POLE: variants seen among roughly 807,000 people sequenced by gnomAD.
The protein encoded by POLE is DNA polymerase epsilon, catalytic subunit, also known as DNA polymerase epsilon catalytic subunit A.
In POLE, 188 loss-of-function variants were observed where a neutral mutation model predicts 279.2. The observed-to-expected ratio is 0.67, with a 90% CI of 0.60 to 0.76. POLE has a LOEUF of 0.76. Among genes scored for constraint, POLE ranks in the 30% least tolerant of loss-of-function variants. POLE has a pLI of 0.00. For missense variants in POLE, 2,703 were observed against 3,016.7 expected, an observed-to-expected ratio of 0.90 and a Z score of 2.44; for synonymous variants, 1,214 against 1,172.5, an observed-to-expected ratio of 1.04 and a Z score of -0.72.
rs1555230239 is a variant in POLE, at chr12:132,680,182, C to T, written c.326G>A (p.Arg109Lys). 2 of 1,614,038 alleles carry T rather than the reference C, an allele frequency of 1.2e-6. No individual in the cohort carries two copies. Among genetic ancestry groups the T allele is most frequent in the African/African-American group, 1.3e-5 (1 of 74,936 alleles). The change falls in exon 4 of 49, where the codon AGA (arginine) becomes AAA (lysine). Residue 109 changes from arginine (R) to lysine (K), a missense_variant. Physicochemically the swap from Arg to Lys is conservative, Grantham distance 26. This residue lies in a region of POLE where 1,011 missense variants were observed against 1,111.7 expected (regional missense o/e 0.91). Coordinates refer to ENST00000320574, the MANE Select transcript of POLE (RefSeq NM_006231.4). ...PYKPYFYIAT[R>K]KGCEREVSSF... is the part of the protein sequence containing the mutation. ...GAGTCTATGAAACACACTCACCTTT[C>T]TGGTCGCAATGTAGAAATACGGTTT...
At chr12:132,656,229 C>A (rs897473731) in intron 29 of POLE, among the ~76,000 whole-genome samples, 1 of 152,164 alleles carries the variant, frequency 6.6e-6, no homozygotes, top group Non-Finnish European at 1.5e-5. Flanking sequence ...GAGGCAGAAG[C>A]TGCATTGTGC....
chr12:132,643,298 C>T lies in POLE; in HGVS notation c.4477G>A (p.Ala1493Thr), dbSNP rs748522633. 2.0e-5 allele frequency: 33 copies of T among 1,613,848 alleles called. No individual in the cohort carries two copies. The highest frequency in any genetic ancestry group is 5.3e-5 in the African/African-American group (4 of 74,928). The stretch of plus-strand genomic sequence containing the variant: ...CCGAAGAGCGCTTTGTGGGCCTGTG[C>T]GTGGTGGTACAGGTAGATATGGCGG... ...SIRHIYLYHH[A>T]QAHKALFGIF... is the part of the protein sequence containing the mutation. Residue 1493 changes from alanine (A) to threonine (T), a missense_variant, in exon 35 of 49, where the codon GCA (alanine) becomes ACA (threonine). Around this residue, in one of 5 missense-constraint regions of POLE, gnomAD observed 1,551 missense variants for 1,686.1 expected, o/e 0.92. Coordinates refer to ENST00000320574, the MANE Select transcript of POLE (RefSeq NM_006231.4).
rs1565938434 is a variant in POLE, at chr12:132,642,911, A to G, written c.4637T>C (p.Leu1546Pro). Reference sequence around the variant, plus strand: ...TTCGAAGGTGTGTTTGGGGGGTGGCAGGAGCTCAGGGCCCACCTTCTCCAG... The same window carrying G: ...TTCGAAGGTGTGTTTGGGGGGTGGCGGGAGCTCAGGGCCCACCTTCTCCAG... Reference protein sequence around the residue: ...LLLEKVGPELLPPPKHTFEVR... With the variant: ...LLLEKVGPELPPPPKHTFEVR... The change falls in exon 36 of 49, where the codon CTG becomes CCG. Residue 1546 changes from leucine (L) to proline (P), a missense_variant. Leu to Pro is a moderately conservative substitution (Grantham distance 98). Transcript: ENST00000320574. 3 of 1,613,592 alleles carry G rather than the reference A, an allele frequency of 1.9e-6. No homozygotes were observed. The highest frequency in any genetic ancestry group is 2.5e-6 in the Non-Finnish European group (3 of 1,179,830).
chr12:132,660,447 G>C (rs549052739), intron 25 of POLE: 2 of 152,490 alleles, frequency 1.3e-5, no homozygotes, highest in Admixed American at 1.3e-4. Context: ...CCTGTGCCTG[G>C]GAAACATATG....
At chr12:132,641,097 G>T (rs1489428031) in intron 39 of POLE, 2 of 456,154 alleles carry the variant, frequency 4.4e-6, no homozygotes, top group Non-Finnish European at 8.8e-6. Flanking sequence ...GACAATAACC[G>T]CTCCCCGTCC....
At chr12:132,642,033 C>G (rs2042155551) in intron 38 of POLE, 144 bp downstream of exon 38, 1 of 943,906 alleles carries the variant, frequency 1.1e-6, no homozygotes, top group Non-Finnish European at 1.6e-6. Flanking sequence ...GGACCTTGAC[C>G]CCAGGACCGT....
At chr12:132,659,059 A>G (rs535410033) in intron 26 of POLE, among the ~76,000 whole-genome samples, 9 of 152,302 alleles carry the variant, frequency 5.9e-5, no homozygotes, top group African/African-American at 1.7e-4. Flanking sequence ...GGTATAGTGT[A>G]TCTCATTCCC....
intron 29 of POLE, among the ~76,000 whole-genome samples, chr12:132,652,955 T>C (rs916027046): frequency 6.6e-6 from 1 of 152,246 alleles, no homozygotes; most frequent in Non-Finnish European, 1.5e-5. Flanking sequence ...TGGCAGATTC[T>C]TTTTTATTGG....
intron 33 of POLE, 78 bp from the exon 34 acceptor site, chr12:132,643,638 T>C (rs2138555422): frequency 6.3e-7 from 1 of 1,592,156 alleles, no homozygotes; most frequent in South Asian, 1.1e-5. Flanking sequence ...CTGCCCGGGA[T>C]GTGGCTGTGC....
rs878854863 is a variant in POLE at position 132,649,453 on chromosome 12, G to A, written c.3858C>T (p.Arg1286=). The A allele has an allele frequency of 4.3e-6, 7 of 1,612,338 alleles. No homozygotes were observed. Among genetic ancestry groups the A allele is most frequent in the Non-Finnish European group, 5.9e-6 (7 of 1,179,980 alleles). The change falls in exon 31 of 49, where the codon CGC becomes CGT. Residue 1286 remains arginine (R), a synonymous_variant. Transcript: ENST00000320574. ...KKKWQLQARQ[R]LARRKRQRLE... Reference sequence around the variant, plus strand: ...GACGCTGCCTCTTCCTGCGGGCGAGGCGCTGCCGGGCCTGCAGCTGCCACT... The same window carrying A: ...GACGCTGCCTCTTCCTGCGGGCGAGACGCTGCCGGGCCTGCAGCTGCCACT...
At chr12:132,645,959 TTTCTCAACATAAC>T (rs1205673852) in intron 32 of POLE, among the ~76,000 whole-genome samples, 3 of 152,170 alleles carry the variant, frequency 2.0e-5, no homozygotes, top group African/African-American at 7.2e-5. Context: ...CTAAGCTTGG[TTTCTCAACATAAC>T]CTCTCAACGA....
chr12:132,641,771 C>G lies in POLE; in HGVS notation c.5254G>C (p.Asp1752His), dbSNP rs1335665224. ...ACGTCGAAGCTGATCCCCATGCTGT[C>G]GGCCCCCTCCATGTCGTTGACATGG... The part of the protein sequence containing the change: ...SHHVNDMEGA[D>H]SMGISFDVIQ... Residue 1752 changes from aspartate (D) to histidine (H), a missense_variant, in exon 39 of 49, where the codon GAC becomes CAC. By Grantham distance (81) the Asp-to-His change is moderately conservative. This residue lies in a region of POLE where 1,551 missense variants were observed against 1,686.1 expected (regional missense o/e 0.92). Transcript: ENST00000320574. 1 of 1,609,872 alleles carries G rather than the reference C, an allele frequency of 6.2e-7. No individual in the cohort carries two copies. The highest frequency in any genetic ancestry group is 1.7e-5 in the Admixed American group (1 of 60,024).
At chr12:132,681,955 C>T (rs1381939451) in intron 1 of POLE, among the ~76,000 whole-genome samples, 1 of 152,102 alleles carries the variant, frequency 6.6e-6, no homozygotes, top group Non-Finnish European at 1.5e-5. Context: ...GAGGCCAAGG[C>T]GGGTGGATCA....
intron 47 of POLE, chr12:132,625,206 C>G: frequency 1.4e-6 from 1 of 702,670 alleles, no homozygotes; most frequent in Non-Finnish European, 2.6e-6. Context: ...TGTGGATGTT[C>G]CACCCCAGAT....
rs180847410 is a variant in POLE at position 132,660,723 on chromosome 12, C to G, written c.3060+246G>C. The G allele has an allele frequency of 2.7e-5, 9 of 332,256 alleles. No homozygotes were observed. The Admixed American group carries it at 3.6e-4, about 13-fold the overall frequency. 20.6% of individuals were successfully genotyped at this position (332,256 alleles called of 1,614,324 possible). On this transcript the variant is annotated intron_variant, in intron 25 of 48. Transcript: ENST00000320574. ...TCCCAAGTAGCTGGGACCACAGGCA[C>G]GCATCACCATGCCAGGCTTATCACG...
chr12:132,679,562 G>A lies in POLE; in HGVS notation c.513C>T (p.Ser171=), dbSNP rs1555230083. 1.2e-6 allele frequency: 2 copies of A among 1,614,088 alleles called. 1 individual carries two copies. Among genetic ancestry groups the A allele is most frequent in the Admixed American group, 3.3e-5 (2 of 60,022 alleles). The change falls in exon 6 of 49, where the codon TCC becomes TCT. Residue 171 remains serine (S), a synonymous_variant. Transcript: ENST00000320574. Reference sequence around the variant, plus strand: ...GCTCCCTGTTCTTCTTCACGGCAGGGGAGATCTCCTTCCTCACTTTGACAA... The same window carrying A: ...GCTCCCTGTTCTTCTTCACGGCAGGAGAGATCTCCTTCCTCACTTTGACAA... ...EDLVKVRKEI[S]PAVKKNREQD...
intron 41 of POLE, among the ~76,000 whole-genome samples, chr12:132,637,715 C>G (rs1241939468): frequency 6.6e-6 from 1 of 152,158 alleles, no homozygotes; most frequent in African/African-American, 2.4e-5. Flanking sequence ...GAATCTGTGC[C>G]CTGAATATCC....
At position 132,642,571 on chromosome 12, in the gene POLE, G is replaced by C. The variant is rs1282015870; in HGVS notation, c.4887C>G (p.Ala1629=). 6.2e-7 allele frequency: 1 copy of C among 1,613,490 alleles called. No individual in the cohort carries two copies. The highest frequency in any genetic ancestry group is 8.5e-7 in the Non-Finnish European group (1 of 1,180,018). ...TGAGGTAGTGACGGATCATGCGCCG[G>C]GCTCCATGGCGCTGCCAGTCCAGGA... The part of the protein sequence containing the change: ...YGVLDWQRHG[A]RRMIRHYLNL... The change falls in exon 37 of 49, where the codon GCC becomes GCG. Residue 1629 remains alanine, a synonymous_variant. Coordinates refer to ENST00000320574, the MANE Select transcript of POLE (RefSeq NM_006231.4).
chr12:132,672,451 T>A, intron 15 of POLE, 129 bp from the exon 16 acceptor site: 1 of 1,020,072 alleles, frequency 9.8e-7, no homozygotes, highest in Non-Finnish European at 1.5e-6. Flanking sequence ...ATGTGCACAA[T>A]CTGCAGTGCA....
Sources: gnomAD v4.1 joint callset for allele counts (sites outside exome capture counted in the v4.1 genomes callset) on GRCh38, gnomAD v4.1.1 for gene constraint, gnomAD v4.1.1 regional missense constraint, MANE v1.5 for transcripts, NCBI Gene and HGNC (gene_info 2026-07-23, HGNC 2026-07-21) for gene names.